The following MAP3K13 variants were observed in gnomAD, a reference collection of about 807,000 sequenced individuals.
MAP3K13 encodes the protein leucine zipper-bearing kinase.
In MAP3K13, 52 loss-of-function variants were observed where a neutral mutation model predicts 104.0. The ratio of observed to expected loss-of-function variants is 0.50; its 90% CI spans 0.40 to 0.63. The LOEUF (loss-of-function observed/expected upper bound fraction) is 0.63. MAP3K13 is among the 20% of genes least tolerant of loss of function. The probability of loss-of-function intolerance (pLI) is 0.00; values close to 1 mark genes in which losing one functional copy is unlikely to be tolerated. For missense variants in MAP3K13, 914 were observed against 1,218.5 expected (o/e 0.75, Z 3.72); for synonymous variants, 394 against 442.2 (o/e 0.89, Z 1.37).
rs1723097686 is a variant in MAP3K13, at chr3:185,350,423, A to T, written c.-86+64780A>T. Among the ~76,000 whole-genome samples the T allele has an allele frequency of 1.3e-5, 2 of 152,244 alleles. 1 individual carries two copies. Among genetic ancestry groups the T allele is most frequent in the South Asian group, 4.1e-4 (2 of 4,822 alleles). Reference sequence around the variant, plus strand: ...GCTGGGCTCAAACTCACGACCTCAGATGATCCACCTGCCTTGGCATCCCAA... The same window carrying T: ...GCTGGGCTCAAACTCACGACCTCAGTTGATCCACCTGCCTTGGCATCCCAA... On this transcript the variant is annotated intron_variant, in intron 2 of 14. Transcript: ENST00000424227.
Position 185,412,055 on chromosome 3 carries a change from A to G in MAP3K13, c.-85-16442A>G, listed in dbSNP as rs1458698971. Among the ~76,000 whole-genome samples, 4 of 152,202 alleles carry G rather than the reference A, an allele frequency of 2.6e-5. No homozygotes were observed. In the East Asian group the frequency reaches 7.7e-4, roughly 29 times the overall value. ...CACCTCGGCCTCCCAAAGTGCTGGG[A>G]CTACAGGTGTGAGCCACCATGCCCA... On this transcript the variant is annotated intron_variant, in intron 1 of 13. Transcript: ENST00000265026.
chr3:185,385,795 G>C (rs901247737), intron 1 of MAP3K13, among the ~76,000 whole-genome samples: 3 of 152,116 alleles, frequency 2.0e-5, no homozygotes, highest in African/African-American at 4.8e-5. Context: ...CTGAGGTCAG[G>C]AGTTCGAGAC....
At chr3:185,326,237 T>C (rs1006731677) in intron 2 of MAP3K13, among the ~76,000 whole-genome samples, 1 of 152,182 alleles carries the variant, frequency 6.6e-6, no homozygotes, top group Admixed American at 6.5e-5. Context: ...AGCAAGTGTT[T>C]ACTTTGCAAC....
chr3:185,465,151 T>C (rs1222493563), intron 8 of MAP3K13, among the ~76,000 whole-genome samples: 1 of 152,216 alleles, frequency 6.6e-6, no homozygotes, highest in East Asian at 1.9e-4. Context: ...CTAATTTTTG[T>C]ATTTTTAGTA....
chr3:185,398,773 A>G (rs1266709332), intron 1 of MAP3K13, among the ~76,000 whole-genome samples: 1 of 152,162 alleles, frequency 6.6e-6, no homozygotes, highest in Admixed American at 6.5e-5. Context: ...TTCCTTGCAG[A>G]TTATGTTGAA....
At chr3:185,404,149 C>G (rs2108779795) in intron 1 of MAP3K13, among the ~76,000 whole-genome samples, 1 of 152,320 alleles carries the variant, frequency 6.6e-6, no homozygotes, top group Middle Eastern at 3.4e-3. Context: ...TAAACAGTAG[C>G]CTGGATAGTG....
rs1718736587 is a variant in MAP3K13, at chr3:185,486,780, C to G, written c.*4324C>G. 6.6e-6 allele frequency: 1 copy of G among 152,218 alleles called. No individual in the cohort carries two copies. The highest frequency in any genetic ancestry group is 2.4e-5 in the African/African-American group (1 of 41,452). 9.4% of individuals were successfully genotyped at this position (152,218 alleles called of 1,614,324 possible). On this transcript the variant is annotated 3_prime_UTR_variant, in exon 14 of 14. Transcript: ENST00000265026. ...TTCTGATTTTCATCTATTTCAAGATCATATCCTCTGGATAACAGTTCCTTT... is the reference window on the plus strand; with the variant it reads ...TTCTGATTTTCATCTATTTCAAGATGATATCCTCTGGATAACAGTTCCTTT...
chr3:185,456,596 C>CTTTTTTTT (rs35547697), intron 7 of MAP3K13, among the ~76,000 whole-genome samples: 2 of 108,006 alleles, frequency 1.9e-5, no homozygotes, highest in Non-Finnish European at 3.5e-5. Context: ...TTTGCTTCTC[C>CTTTTTTTT]TTTTTTTTTT....
chr3:185,302,928 A>T (rs1721159013), intron 2 of MAP3K13, among the ~76,000 whole-genome samples: 1 of 152,182 alleles, frequency 6.6e-6, no homozygotes, highest in Non-Finnish European at 1.5e-5. Context: ...TTAAAGGGAA[A>T]GTTTTCAGTA....
At chr3:185,345,240 T>C (rs201370624) in intron 2 of MAP3K13, among the ~76,000 whole-genome samples, 5 of 137,392 alleles carry the variant, frequency 3.6e-5, no homozygotes, top group East Asian at 4.2e-4. Flanking sequence ...CACACACACA[T>C]ACACACACAC....
At chr3:185,410,375 A>G (rs551633411) in intron 1 of MAP3K13, among the ~76,000 whole-genome samples, 8 of 152,218 alleles carry the variant, frequency 5.3e-5, no homozygotes, top group Non-Finnish European at 1.0e-4. Flanking sequence ...GATTTGTTAA[A>G]GGATACAAAA....
At chr3:185,335,575 C>T (rs1219085304) in intron 2 of MAP3K13, among the ~76,000 whole-genome samples, 7 of 152,096 alleles carry the variant, frequency 4.6e-5, no homozygotes, top group East Asian at 1.9e-4. Context: ...CCCTCAGTAT[C>T]GGTGGAGGAT....
chr3:185,334,900 C>T (rs1036684462), intron 2 of MAP3K13, among the ~76,000 whole-genome samples: 1 of 152,152 alleles, frequency 6.6e-6, no homozygotes, highest in African/African-American at 2.4e-5. Context: ...TGAGCCACCT[C>T]GCCCAGCCAA....
chr3:185,414,315 C>T (rs1316020483), intron 1 of MAP3K13, among the ~76,000 whole-genome samples: 1 of 152,142 alleles, frequency 6.6e-6, no homozygotes, highest in Admixed American at 6.5e-5. Context: ...AAAGTCTTCT[C>T]ATCCAAAAAA....
chr3:185,454,647 T>TG lies in MAP3K13; in HGVS notation c.1278+3252_1278+3253insG, dbSNP rs1292783141. On this transcript the variant is annotated intron_variant, in intron 7 of 13. Coordinates refer to ENST00000265026, the MANE Select transcript of MAP3K13 (RefSeq NM_004721.5). Reference sequence around the variant, plus strand: ...ATGAGATATATATATGAGATATATATATGATATATATATGATATATATGAG... The same window carrying TG: ...ATGAGATATATATATGAGATATATATGATGATATATATATGATATATATGAG... 2.1e-3 allele frequency among the ~76,000 whole-genome samples: 226 copies of TG among 105,514 alleles called. 58 individuals are homozygous for TG. The highest frequency in any genetic ancestry group is 2.6e-3 in the African/African-American group (70 of 26,614). The allele number at this position is 105,514 out of a possible 152,430, so 69.2% of individuals were successfully genotyped here.
chr3:185,445,672 T>G (rs949721745), intron 4 of MAP3K13, among the ~76,000 whole-genome samples: 1 of 152,206 alleles, frequency 6.6e-6, no homozygotes, highest in Non-Finnish European at 1.5e-5. Flanking sequence ...CGTTGGCTTC[T>G]TTAGGTTTCA....
chr3:185,428,813 G>C lies in MAP3K13; in HGVS notation c.232G>C (p.Asp78His). 1 of 1,614,090 alleles carries C rather than the reference G, an allele frequency of 6.2e-7. No homozygotes were observed. Among genetic ancestry groups the C allele is most frequent in the Non-Finnish European group, 8.5e-7 (1 of 1,180,010 alleles). ...GACGAGCGTAAGTGAGGATTCCAGG[G>C]ACCAGTTTGAGAACAGCGTTCTTCA... ...VLTSVSEDSR[D>H]QFENSVLQLR... The change falls in exon 2 of 14, where the codon GAC becomes CAC. Residue 78 changes from aspartate to histidine, a missense_variant. By Grantham distance (81) the Asp-to-His change is moderately conservative (BLOSUM62 -1). This residue lies in a region of MAP3K13 where 156 missense variants were observed against 159.8 expected (regional missense o/e 0.98). Coordinates refer to ENST00000265026, the MANE Select transcript of MAP3K13 (RefSeq NM_004721.5).
chr3:185,380,533 T>C lies in MAP3K13; in HGVS notation c.-86+17165T>C, dbSNP rs1045187634. 2.0e-4 allele frequency among the ~76,000 whole-genome samples: 29 copies of C among 144,972 alleles called. No homozygotes were observed. The East Asian group carries it at 5.5e-3, about 28-fold the overall frequency. Reference sequence around the variant, plus strand: ...TCAAAAAAAAAAAAAAAAAAAGTGCTCATTCTCAGGCCACTCCCCAGACAT... The same window carrying C: ...TCAAAAAAAAAAAAAAAAAAAGTGCCCATTCTCAGGCCACTCCCCAGACAT... On this transcript the variant is annotated intron_variant, in intron 1 of 13. Transcript: ENST00000265026.
chr3:185,418,963 G>T lies in MAP3K13; in HGVS notation c.-85-9534G>T, dbSNP rs545891834. The stretch of plus-strand genomic sequence containing the variant: ...AACAAAATAGGAGTCATTAACTTTT[G>T]TTTGCTCATTGTCGTCTTTTTAAGT... On this transcript the variant is annotated intron_variant, in intron 1 of 13. Coordinates refer to ENST00000265026, the MANE Select transcript of MAP3K13 (RefSeq NM_004721.5). The surrounding 1 kb of genome is among the most constrained non-coding windows in gnomAD (Gnocchi z 4.5). 6.6e-6 allele frequency among the ~76,000 whole-genome samples: 1 copy of T among 151,364 alleles called. No homozygotes were observed. Among genetic ancestry groups the T allele is most frequent in the South Asian group, 2.1e-4 (1 of 4,756 alleles).
Sources: allele counts gnomAD v4.1 joint callset (sites outside exome capture counted in the v4.1 genomes callset), GRCh38; gene constraint gnomAD v4.1.1; regional missense constraint gnomAD v4.1.1; non-coding constraint Gnocchi (gnomAD v3.1); transcripts MANE v1.5; gene names NCBI Gene and HGNC (gene_info 2026-07-23, HGNC 2026-07-21).